HIPK2: variants seen among roughly 807,000 people sequenced by gnomAD.
The protein encoded by HIPK2 is homeodomain interacting protein kinase 2.
HIPK2 carries 27 observed loss-of-function variants against 113.7 expected under a neutral mutation model. That is an observed-to-expected ratio of 0.24 (90% CI 0.17 to 0.33). The LOEUF is 0.33. Ranked by LOEUF, HIPK2 falls within the 10% of genes least tolerant of loss-of-function variation. The probability of loss-of-function intolerance (pLI) is 1.00; values close to 1 mark genes in which losing one functional copy is unlikely to be tolerated. For synonymous variants in HIPK2, 631 were observed against 642.2 expected (o/e 0.98, Z 0.26); for missense variants, 1,257 against 1,588.0 (o/e 0.79, Z 3.54).
chr7:139,633,423 T>C (rs1275301976), intron 2 of HIPK2, among the ~76,000 whole-genome samples: 1 of 152,194 alleles, frequency 6.6e-6, no homozygotes, highest in East Asian at 1.9e-4. Flanking sequence ...TTTGTTCTCA[T>C]TGCTAATCTT....
chr7:139,659,710 G>C (rs1801801139), intron 2 of HIPK2, among the ~76,000 whole-genome samples: 1 of 152,148 alleles, frequency 6.6e-6, no homozygotes, highest in Admixed American at 6.5e-5. Flanking sequence ...TAAAGGGTGT[G>C]TCTCCAGCCC....
chr7:139,770,660 C>G (rs1796635336), intron 1 of HIPK2, among the ~76,000 whole-genome samples: 1 of 152,196 alleles, frequency 6.6e-6, no homozygotes, highest in Non-Finnish European at 1.5e-5. Flanking sequence ...AGGAAAAATA[C>G]CCTTGTCCAC....
chr7:139,694,665 A>G lies in HIPK2; in HGVS notation c.1103+21267T>C, dbSNP rs1046393132. Among the ~76,000 whole-genome samples the G allele has an allele frequency of 1.6e-3, 247 of 152,206 alleles. 1 individual carries two copies. The highest frequency in any genetic ancestry group is 5.2e-3 in the African/African-American group (215 of 41,546). ...GCGCATGGTCCATGGTCACATAAAA[A>G]CAGAGATGGGGCACTCAGCTATGAT... On this transcript the variant is annotated intron_variant, in intron 2 of 14. Coordinates refer to ENST00000406875, the MANE Select transcript of HIPK2 (RefSeq NM_022740.5).
intron 2 of HIPK2, among the ~76,000 whole-genome samples, chr7:139,653,439 G>C (rs1205519752): frequency 1.3e-5 from 2 of 150,752 alleles, no homozygotes; most frequent in East Asian, 3.9e-4. Flanking sequence ...GATCTTATGG[G>C]ACAAATCACA....
At chr7:139,673,685 A>G (rs1802385712) in intron 2 of HIPK2, among the ~76,000 whole-genome samples, 1 of 152,108 alleles carries the variant, frequency 6.6e-6, no homozygotes, top group Non-Finnish European at 1.5e-5. Context: ...GATGGTAGGT[A>G]ACCTGAAGAA....
At chr7:139,731,785 T>C (rs952004536) in intron 1 of HIPK2, among the ~76,000 whole-genome samples, 13 of 152,222 alleles carry the variant, frequency 8.5e-5, no homozygotes. Flanking sequence ...TAATCCATCC[T>C]TCTTACTTGA....
At chr7:139,578,007 C>A (rs780917886) in intron 13 of HIPK2, among the ~76,000 whole-genome samples, 1 of 151,988 alleles carries the variant, frequency 6.6e-6, no homozygotes, top group African/African-American at 2.4e-5. Flanking sequence ...TGCACCACCA[C>A]GCCCAGCTAA....
chr7:139,711,583 A>C (rs1231118688), intron 2 of HIPK2, among the ~76,000 whole-genome samples: 1 of 152,238 alleles, frequency 6.6e-6, no homozygotes, highest in Non-Finnish European at 1.5e-5. Context: ...TAGAAACCAA[A>C]AAAAATCTAT....
At chr7:139,695,453 C>T (rs902285374) in intron 2 of HIPK2, among the ~76,000 whole-genome samples, 5 of 152,162 alleles carry the variant, frequency 3.3e-5, no homozygotes, top group African/African-American at 4.8e-5. Flanking sequence ...GGGCTGAGAA[C>T]GCCAACCTGA....
intron 11 of HIPK2, among the ~76,000 whole-genome samples, chr7:139,598,369 T>C (rs563371969): frequency 2.6e-5 from 4 of 152,362 alleles, no homozygotes; most frequent in African/African-American, 9.6e-5. Flanking sequence ...TTGCTCCTTC[T>C]AGGGACTGGT....
intron 2 of HIPK2, among the ~76,000 whole-genome samples, chr7:139,704,024 C>A (rs1371582268): frequency 4.0e-5 from 5 of 123,550 alleles, no homozygotes; most frequent in Non-Finnish European, 8.3e-5. Flanking sequence ...CCCCTCCACA[C>A]CCACACTATA....
intron 2 of HIPK2, among the ~76,000 whole-genome samples, chr7:139,641,496 G>A (rs1357097629): frequency 6.6e-6 from 1 of 152,136 alleles, no homozygotes; most frequent in South Asian, 2.1e-4. Flanking sequence ...GGTACATGCA[G>A]TACACTAGGC....
At chr7:139,737,001 G>A (rs73158614) in intron 1 of HIPK2, among the ~76,000 whole-genome samples, 22,194 of 152,076 alleles carry the variant, frequency 0.15, 1,640 homozygotes, top group Non-Finnish European at 0.16. Flanking sequence ...TGCACCATAC[G>A]GCTCTCAGCA....
chr7:139,746,481 G>A (rs187665070), intron 1 of HIPK2, among the ~76,000 whole-genome samples: 9 of 152,298 alleles, frequency 5.9e-5, no homozygotes, highest in East Asian at 3.9e-4. Flanking sequence ...AAAAGACAGC[G>A]ACTGTGCTGA....
At chr7:139,682,522 C>T (rs1421289524) in intron 2 of HIPK2, among the ~76,000 whole-genome samples, 1 of 152,150 alleles carries the variant, frequency 6.6e-6, no homozygotes, top group East Asian at 1.9e-4. Flanking sequence ...CCTCCCGCTG[C>T]GTGCCTGTGC....
At chr7:139,598,790 GAC>G (rs1464997782) in intron 11 of HIPK2, among the ~76,000 whole-genome samples, 5 of 152,216 alleles carry the variant, frequency 3.3e-5, no homozygotes, top group Non-Finnish European at 7.3e-5. Context: ...TCAGTCCTGG[GAC>G]AGAGTAGTGC....
intron 6 of HIPK2, among the ~76,000 whole-genome samples, chr7:139,622,454 G>A (rs922503436): frequency 1.3e-5 from 2 of 152,132 alleles, no homozygotes; most frequent in Non-Finnish European, 2.9e-5. Flanking sequence ...ATTTGGTTTC[G>A]TGACAATTCA....
At chr7:139,693,076 C>T (rs1322377486) in intron 2 of HIPK2, among the ~76,000 whole-genome samples, 2 of 150,906 alleles carry the variant, frequency 1.3e-5, no homozygotes, top group African/African-American at 2.4e-5. Flanking sequence ...CAGAGACCAA[C>T]CACTGTGAGA....
intron 6 of HIPK2, among the ~76,000 whole-genome samples, chr7:139,623,156 TTTC>T (rs2116850951): frequency 6.6e-6 from 1 of 152,210 alleles, no homozygotes; most frequent in Admixed American, 6.5e-5. Context: ...CAAGTCTGCT[TTTC>T]TTCTTCTTGT....
Sources: gnomAD v4.1 joint callset for allele counts (sites outside exome capture counted in the v4.1 genomes callset) on GRCh38, gnomAD v4.1.1 for gene constraint, MANE v1.5 for transcripts, NCBI Gene and HGNC (gene_info 2026-07-23, HGNC 2026-07-21) for gene names.